KDM4C: variants seen among roughly 807,000 people sequenced by gnomAD.
The protein encoded by KDM4C is lysine-specific demethylase 4C.
KDM4C carries 81 observed loss-of-function variants against 129.3 expected under a neutral mutation model. The observed-to-expected ratio is 0.63, with a 90% confidence interval of 0.52 to 0.75. The LOEUF is 0.75. Among genes scored for constraint, KDM4C ranks in the 30% least tolerant of loss-of-function variants. The pLI is 0.00. For synonymous variants in KDM4C, 573 were observed against 456.1 expected (o/e 1.26, Z -3.26); for missense variants, 1,457 against 1,304.0 (o/e 1.12, Z -1.81).
chr9:7,126,253 C>T (rs1396443854), intron 18 of KDM4C, among the ~76,000 whole-genome samples: 1 of 152,020 alleles, frequency 6.6e-6, no homozygotes, highest in African/African-American at 2.4e-5. Flanking sequence ...ACAATTCATG[C>T]CCATATTCTT....
chr9:6,871,703 T>C lies in KDM4C; in HGVS notation c.630-8309T>C, dbSNP rs188336976. 5.7e-3 allele frequency among the ~76,000 whole-genome samples: 864 copies of C among 152,318 alleles called. 11 individuals carry two copies. The highest frequency in any genetic ancestry group is 5.1e-3 in the Non-Finnish European group (346 of 68,032). ...AGTACATTCTTATCCTCAAAGAATT[T>C]GGAATTAGCTACATAACTGAGCAAT... is the stretch of plus-strand genomic sequence containing the variant. On this transcript the variant is annotated intron_variant, in intron 5 of 21. Transcript: ENST00000381309.
At chr9:6,773,568 C>G (rs897637857) in intron 1 of KDM4C, among the ~76,000 whole-genome samples, 1 of 151,960 alleles carries the variant, frequency 6.6e-6, no homozygotes, top group Admixed American at 6.6e-5. Context: ...GCCAGGAGTT[C>G]GAGACCAGCC....
At chr9:7,006,902 A>T (rs16925113) in intron 12 of KDM4C, among the ~76,000 whole-genome samples, 2,119 of 152,320 alleles carry the variant, frequency 0.014, 40 homozygotes, top group African/African-American at 0.045. Context: ...AGTTTCATCT[A>T]TAGGCAAGTT....
rs80350152 is a variant in KDM4C at position 7,128,658 on chromosome 9, A to T, written c.2781+422A>T. 6.6e-3 allele frequency among the ~76,000 whole-genome samples: 1,003 copies of T among 151,732 alleles called. 12 individuals carry two copies. The highest frequency in any genetic ancestry group is 0.023 in the African/African-American group (937 of 41,542). ...AGAGAATGTGGCTTTGATTAATCTG[A>T]CTCGACAGTGTATTTAAATCTTTGG... On this transcript the variant is annotated intron_variant, in intron 19 of 21. Coordinates refer to ENST00000381309, the MANE Select transcript of KDM4C (RefSeq NM_015061.6).
intron 1 of KDM4C, among the ~76,000 whole-genome samples, chr9:6,752,422 T>G (rs1818104499): frequency 6.6e-6 from 1 of 151,234 alleles, no homozygotes; most frequent in Non-Finnish European, 1.5e-5. Context: ...GATTTTTTTT[T>G]TTTTTCCGGT....
intron 19 of KDM4C, among the ~76,000 whole-genome samples, chr9:7,157,381 C>T (rs1368667259): frequency 1.3e-5 from 2 of 152,164 alleles, no homozygotes; most frequent in African/African-American, 4.8e-5. Flanking sequence ...CCAGAACTTC[C>T]AATACTATCT....
At chr9:7,124,490 T>C (rs938809143) in intron 18 of KDM4C, among the ~76,000 whole-genome samples, 2 of 152,112 alleles carry the variant, frequency 1.3e-5, no homozygotes, top group Non-Finnish European at 2.9e-5. Flanking sequence ...AGGCCCAATC[T>C]TGGAGTCAAC....
chr9:6,730,480 TG>T (rs753792230), intron 1 of KDM4C, among the ~76,000 whole-genome samples: 1 of 151,714 alleles, frequency 6.6e-6, no homozygotes, highest in Non-Finnish European at 1.5e-5. Context: ...CTGGGCGTGG[TG>T]GCGGGCACCC....
chr9:6,869,596 A>G (rs143972609), intron 5 of KDM4C, among the ~76,000 whole-genome samples: 1 of 152,326 alleles, frequency 6.6e-6, no homozygotes, highest in Non-Finnish European at 1.5e-5. Context: ...GGCAGATCCT[A>G]AGGGCAGTGC....
intron 4 of KDM4C, among the ~76,000 whole-genome samples, chr9:6,833,325 A>G (rs1362993519): frequency 1.3e-5 from 2 of 152,082 alleles, no homozygotes; most frequent in East Asian, 3.9e-4. Flanking sequence ...CATCTTCTTG[A>G]CAGGGAGTCT....
At chr9:6,985,090 C>T (rs927209942) in intron 10 of KDM4C, among the ~76,000 whole-genome samples, 1 of 152,202 alleles carries the variant, frequency 6.6e-6, no homozygotes, top group Admixed American at 6.5e-5. Context: ...ACTCCCTCTG[C>T]TGCTTCCTCC....
chr9:7,078,933 G>T (rs1834222013), intron 17 of KDM4C, among the ~76,000 whole-genome samples: 1 of 152,138 alleles, frequency 6.6e-6, no homozygotes, highest in South Asian at 2.1e-4. Flanking sequence ...AGCAAAGTTT[G>T]CTTATACATC....
chr9:6,728,888 G>A (rs1319320447), intron 1 of KDM4C, among the ~76,000 whole-genome samples: 1 of 151,496 alleles, frequency 6.6e-6, no homozygotes, highest in African/African-American at 2.4e-5. Context: ...TCATTAATGT[G>A]TGGCCAGAAA....
chr9:6,887,973 C>T lies in KDM4C; in HGVS notation c.693C>T (p.Ser231=). The T allele has an allele frequency of 1.9e-6, 3 of 1,608,452 alleles. No homozygotes were observed. The highest frequency in any genetic ancestry group is 2.2e-5 in the South Asian group (2 of 90,944). ...LERLAQGFFP[S]SSQGCDAFLR... is the part of the protein sequence containing the mutation. ...GTTTCTTTTTAGGTTTTTTCCCAAG[C>T]AGCTCCCAAGGGTGTGATGCATTTC... is the stretch of plus-strand genomic sequence containing the variant. Residue 231 remains serine, a synonymous_variant, in exon 7 of 22, where the codon AGC becomes AGT. Coordinates refer to ENST00000381309, the MANE Select transcript of KDM4C (RefSeq NM_015061.6).
At chr9:7,091,166 G>A (rs933839751) in intron 17 of KDM4C, among the ~76,000 whole-genome samples, 7 of 150,102 alleles carry the variant, frequency 4.7e-5, no homozygotes, top group Non-Finnish European at 8.8e-5. Context: ...TTCTTTCGAG[G>A]CTCTCAGATG....
intron 17 of KDM4C, among the ~76,000 whole-genome samples, chr9:7,079,585 G>C (rs544973867): frequency 3.3e-5 from 5 of 152,314 alleles, no homozygotes; most frequent in African/African-American, 1.2e-4. Context: ...GCCTCCCAAA[G>C]TGCTGGGATT....
intron 1 of KDM4C, among the ~76,000 whole-genome samples, chr9:6,768,172 CCTAA>C (rs1821013376): frequency 6.6e-6 from 1 of 151,816 alleles, no homozygotes; most frequent in Non-Finnish European, 1.5e-5. Flanking sequence ...AGTGTGGTTC[CCTAA>C]TTAAACTGGC....
chr9:6,765,808 G>C (rs1024436255), intron 1 of KDM4C, among the ~76,000 whole-genome samples: 1 of 151,894 alleles, frequency 6.6e-6, no homozygotes, highest in African/African-American at 2.4e-5. Flanking sequence ...TTTTGCAGGG[G>C]GATGGAGTCT....
chr9:7,072,984 G>A (rs1243955430), intron 17 of KDM4C, among the ~76,000 whole-genome samples: 7 of 152,166 alleles, frequency 4.6e-5, no homozygotes, highest in South Asian at 2.1e-4. Context: ...GAAGGACAAA[G>A]TGGTGAAGAA....
Sources: allele counts gnomAD v4.1 joint callset (sites outside exome capture counted in the v4.1 genomes callset), GRCh38; gene constraint gnomAD v4.1.1; transcripts MANE v1.5; gene names NCBI Gene and HGNC (gene_info 2026-07-23, HGNC 2026-07-21).